LZTS1: variants seen among roughly 807,000 people sequenced by gnomAD.
The protein encoded by LZTS1 is leucine zipper tumor suppressor 1, also known as leucine zipper putative tumor suppressor 1.
Under a neutral mutation model 45.8 loss-of-function variants are expected in LZTS1, and 31 were observed. The ratio of observed to expected loss-of-function variants is 0.68; its 90% CI spans 0.51 to 0.91. LZTS1 has a LOEUF of 0.91. Among genes scored for constraint, LZTS1 ranks in the 40% least tolerant of loss-of-function variants. The pLI is 0.00. For missense variants in LZTS1, 821 were observed against 788.9 expected (o/e 1.04, Z -0.49); for synonymous variants, 359 against 357.3 (o/e 1.00, Z -0.05).
Position 20,252,811 on chromosome 8 carries a change from C to A in LZTS1, c.1120G>T (p.Gly374Cys). Residue 374 changes from glycine (G) to cysteine (C), a missense_variant, in exon 3 of 4, where the codon GGC becomes TGC. Transcript: ENST00000381569. ...RSYEREKTSF[G>C]PALEETQWEV... ...CACTGGGTCTCCTCCAGCGCGGGGCCGAAGCTGGTCTTCTCCCTCTCGTAG... is the reference window on the plus strand; with the variant it reads ...CACTGGGTCTCCTCCAGCGCGGGGCAGAAGCTGGTCTTCTCCCTCTCGTAG... 1 of 1,536,396 alleles carries A rather than the reference C, an allele frequency of 6.5e-7. No homozygotes were observed. Among genetic ancestry groups the A allele is most frequent in the Non-Finnish European group, 8.8e-7 (1 of 1,140,862 alleles).
At chr8:20,293,062 G>T (rs963934460) in intron 1 of LZTS1, among the ~76,000 whole-genome samples, 1 of 151,952 alleles carries the variant, frequency 6.6e-6, no homozygotes, top group Non-Finnish European at 1.5e-5. Context: ...GATATTCCCC[G>T]GCTACAAGAG....
intron 1 of LZTS1, among the ~76,000 whole-genome samples, chr8:20,298,052 C>G (rs1244912856): frequency 6.6e-6 from 1 of 151,166 alleles, no homozygotes; most frequent in Non-Finnish European, 1.5e-5. Context: ...TTTCACCTTT[C>G]TTTTTTTTTG....
At chr8:20,287,962 C>CAG (rs907282118) in intron 1 of LZTS1, among the ~76,000 whole-genome samples, 11 of 150,422 alleles carry the variant, frequency 7.3e-5, no homozygotes, top group Non-Finnish European at 1.3e-4. Flanking sequence ...AGCCCACCTG[C>CAG]AGATGGGCCA....
rs367630831 is a variant in LZTS1 at position 20,299,559 on chromosome 8, G to A, written c.-135+4181C>T. 1.8e-4 allele frequency among the ~76,000 whole-genome samples: 28 copies of A among 152,106 alleles called. No homozygotes were observed. In the East Asian group the frequency reaches 4.4e-3, roughly 24 times the overall value. On this transcript the variant is annotated intron_variant, in intron 1 of 3. Transcript: ENST00000381569. ...TTCCCCACTCCCTGGCACCTCACAC[G>A]GATAAGACCTTTAATAAATAGTGAA... is the stretch of plus-strand genomic sequence containing the variant.
chr8:20,292,229 G>C (rs1413245883), intron 1 of LZTS1, among the ~76,000 whole-genome samples: 3 of 152,236 alleles, frequency 2.0e-5, no homozygotes, highest in South Asian at 4.1e-4. Context: ...CTGGCACCCA[G>C]TGTGTCTGAG....
chr8:20,267,347 C>T (rs1288094929), intron 1 of LZTS1, among the ~76,000 whole-genome samples: 3 of 151,972 alleles, frequency 2.0e-5, no homozygotes, highest in Non-Finnish European at 4.4e-5. Context: ...GGTAGGAGGG[C>T]GGTGCTGCAG....
At chr8:20,303,336 C>A (rs112340773) in intron 1 of LZTS1, among the ~76,000 whole-genome samples, 3 of 152,170 alleles carry the variant, frequency 2.0e-5, no homozygotes, top group Non-Finnish European at 4.4e-5. Context: ...ACCGCCGGAC[C>A]CTCTTCCTGC....
At chr8:20,273,887 T>C (rs1286340045) in intron 1 of LZTS1, among the ~76,000 whole-genome samples, 1 of 152,160 alleles carries the variant, frequency 6.6e-6, no homozygotes, top group African/African-American at 2.4e-5. Flanking sequence ...TCTGTATCTT[T>C]GTATCTTCAT....
chr8:20,255,076 G>T lies in LZTS1; in HGVS notation c.106C>A (p.Arg36=). The change falls in exon 2 of 4, where the codon CGG becomes AGG. Residue 36 remains arginine (R), a synonymous_variant. Transcript: ENST00000381569. ...AACCTCAGCAGCCCGTCGGAATACC[G>T]GTTGAGCTTCTTGAGGTGGGAGGAC... ...RKSSHLKKLN[R]YSDGLLRFGF... 1 of 1,614,204 alleles carries T rather than the reference G, an allele frequency of 6.2e-7. No individual in the cohort carries two copies. The highest frequency in any genetic ancestry group is 8.5e-7 in the Non-Finnish European group (1 of 1,180,038).
At chr8:20,302,864 A>G (rs576031969) in intron 1 of LZTS1, among the ~76,000 whole-genome samples, 1 of 152,228 alleles carries the variant, frequency 6.6e-6, no homozygotes, top group East Asian at 1.9e-4. Flanking sequence ...GGGCGAGCAC[A>G]AGGCTCATTT....
chr8:20,261,606 T>G (rs1180168077), intron 1 of LZTS1, among the ~76,000 whole-genome samples: 2 of 152,226 alleles, frequency 1.3e-5, no homozygotes, highest in African/African-American at 4.8e-5. Context: ...AAGTGACACC[T>G]GCCTCTGATG....
In LZTS1 at chr8:20,303,888, G is replaced by T; in HGVS notation, c.-283C>A. On this transcript the variant is annotated 5_prime_UTR_variant, in exon 1 of 4. Coordinates refer to ENST00000381569, the MANE Select transcript of LZTS1 (RefSeq NM_021020.5). Reference sequence around the variant, plus strand: ...AGCTCCCGGCTCCCACTCACTGGCCGAGGCGGGCAGAGAAACTTTCGGCCT... The same window carrying T: ...AGCTCCCGGCTCCCACTCACTGGCCTAGGCGGGCAGAGAAACTTTCGGCCT... The T allele has an allele frequency of 1.0e-6, 1 of 984,874 alleles. No individual in the cohort carries two copies. The highest frequency in any genetic ancestry group is 4.7e-5 in the South Asian group (1 of 21,288). 61.0% of individuals were successfully genotyped at this position (984,874 alleles called of 1,614,324 possible).
chr8:20,268,418 C>A (rs940490232), intron 1 of LZTS1, among the ~76,000 whole-genome samples: 2 of 152,052 alleles, frequency 1.3e-5, no homozygotes, highest in African/African-American at 2.4e-5. Context: ...CCCCTCCCCC[C>A]ATACATACTC....
chr8:20,288,449 C>T (rs917294895), intron 1 of LZTS1, among the ~76,000 whole-genome samples: 8 of 152,158 alleles, frequency 5.3e-5, no homozygotes, highest in African/African-American at 1.7e-4. Context: ...CTTGGGCTTC[C>T]ATTCACTGCA....
intron 1 of LZTS1, among the ~76,000 whole-genome samples, chr8:20,277,608 T>G (rs941059161): frequency 6.6e-6 from 1 of 152,184 alleles, no homozygotes; most frequent in East Asian, 1.9e-4. Context: ...AAGAAATGGT[T>G]TAAGAACTGG....
At position 20,249,601 on chromosome 8, in the gene LZTS1, G is replaced by C. The variant is rs1430574316; in HGVS notation, c.*121C>G. On this transcript the variant is annotated 3_prime_UTR_variant, in exon 4 of 4. Coordinates refer to ENST00000381569, the MANE Select transcript of LZTS1 (RefSeq NM_021020.5). ...ATCCTGCCCTCCCCTCGGGGGTCCTGGGTCTGTGTCCCAGGGAGTGGCGTC... is the reference window on the plus strand; with the variant it reads ...ATCCTGCCCTCCCCTCGGGGGTCCTCGGTCTGTGTCCCAGGGAGTGGCGTC... 1.6e-6 allele frequency: 2 copies of C among 1,274,054 alleles called. No individual in the cohort carries two copies. Among genetic ancestry groups the C allele is most frequent in the African/African-American group, 3.0e-5 (2 of 66,730 alleles). 78.9% of individuals were successfully genotyped at this position (1,274,054 alleles called of 1,614,324 possible).
intron 1 of LZTS1, among the ~76,000 whole-genome samples, chr8:20,286,397 G>T (rs911354607): frequency 2.6e-5 from 4 of 152,100 alleles, no homozygotes; most frequent in African/African-American, 7.2e-5. Flanking sequence ...TATATAAAAA[G>T]GTATACTCAC....
At chr8:20,262,414 G>A (rs1258445738) in intron 1 of LZTS1, among the ~76,000 whole-genome samples, 1 of 152,186 alleles carries the variant, frequency 6.6e-6, no homozygotes, top group African/African-American at 2.4e-5. Context: ...GGGAGGACAG[G>A]TGTGTGAGTG....
At chr8:20,260,247 GAGACAGA>G (rs1800198282) in intron 1 of LZTS1, among the ~76,000 whole-genome samples, 1 of 152,048 alleles carries the variant, frequency 6.6e-6, no homozygotes, top group Non-Finnish European at 1.5e-5. Context: ...ATTTTTAATT[GAGACAGA>G]GTCTCACTCT....
Sources: allele counts gnomAD v4.1 joint callset (sites outside exome capture counted in the v4.1 genomes callset), GRCh38; gene constraint gnomAD v4.1.1; transcripts MANE v1.5; gene names NCBI Gene and HGNC (gene_info 2026-07-23, HGNC 2026-07-21).